N4BP2L1: variants seen among roughly 807,000 people sequenced by gnomAD.
N4BP2L1 encodes the protein NEDD4-binding protein 2-like 1.
Under a neutral mutation model 21.2 loss-of-function variants are expected in N4BP2L1, and 12 were observed. That is an observed-to-expected ratio of 0.57 (90% CI 0.36 to 0.92). The LOEUF is 0.92. Among genes scored for constraint, N4BP2L1 ranks in the 40% least tolerant of loss-of-function variants. The pLI, the probability that N4BP2L1 is intolerant of heterozygous loss-of-function variation, is 0.01. For synonymous variants in N4BP2L1, 104 were observed against 112.8 expected (o/e 0.92, Z 0.49); for missense variants, 259 against 310.6 (o/e 0.83, Z 1.25).
At chr13:32,405,201 A>G (rs1410745587) in intron 3 of N4BP2L1, among the ~76,000 whole-genome samples, 2 of 152,140 alleles carry the variant, frequency 1.3e-5, no homozygotes, top group East Asian at 1.9e-4. Flanking sequence ...AAGATTATAC[A>G]TATCCAGAAG....
At chr13:32,429,594 G>A (rs749213130), upstream of N4BP2L1, among the ~76,000 whole-genome samples, 1 of 152,176 alleles carries the variant, frequency 6.6e-6, no homozygotes, top group East Asian at 1.9e-4. Flanking sequence ...CTGCAAACAC[G>A]CTGTGCCCGG....
upstream of N4BP2L1, chr13:32,428,179 G>T (rs1188672851): frequency 1.3e-5 from 16 of 1,247,192 alleles, no homozygotes; most frequent in Non-Finnish European, 3.1e-6. Context: ...GCCATGTGAT[G>T]GATAGAGGGG....
intron 1 of N4BP2L1, 56 bp from the exon 2 acceptor site, chr13:32,407,828 T>C: frequency 2.0e-6 from 3 of 1,502,954 alleles, no homozygotes; most frequent in Non-Finnish European, 1.8e-6. Context: ...ATAGTCTCAG[T>C]AGAAATAATC....
In N4BP2L1 at chr13:32,419,817, G is replaced by C. The variant is rs575466969; in HGVS notation, c.179+8087C>G. 1.6e-3 allele frequency among the ~76,000 whole-genome samples: 242 copies of C among 152,364 alleles called. 1 individual carries two copies. The highest frequency in any genetic ancestry group is 5.2e-3 in the African/African-American group (216 of 41,592). On this transcript the variant is annotated intron_variant, in intron 1 of 4. Coordinates refer to ENST00000380130, the MANE Select transcript of N4BP2L1 (RefSeq NM_052818.3). ...ACAACCCTTAAAGGAGACTGACGGA[G>C]AGGATTCTTCCTGGATCCCAGCACT...
At chr13:32,422,349 C>CA (rs892468872) in intron 1 of N4BP2L1, among the ~76,000 whole-genome samples, 6 of 139,024 alleles carry the variant, frequency 4.3e-5, no homozygotes, top group Non-Finnish European at 9.2e-5. Flanking sequence ...TTGGGGTACA[C>CA]AAAAAAAGCT....
intron 1 of N4BP2L1, chr13:32,419,439 T>G: frequency 3.9e-6 from 1 of 255,756 alleles, no homozygotes; most frequent in African/African-American, 3.1e-5. Context: ...TTTTTTTTTT[T>G]TTTTTTTTGT....
Position 32,427,378 on chromosome 13 carries a change from C to T in N4BP2L1, c.179+526G>A, listed in dbSNP as rs544828107. On this transcript the variant is annotated intron_variant, in intron 1 of 4. Coordinates refer to ENST00000380130, the MANE Select transcript of N4BP2L1 (RefSeq NM_052818.3). ...CCCACCCCCGGACCCCTCGTTTATG[C>T]GCTCGGATTACAGCGCCTGTTGACG... Among the ~76,000 whole-genome samples, 410 of 152,344 alleles carry T rather than the reference C, an allele frequency of 2.7e-3. 2 individuals are homozygous for T. The highest frequency in any genetic ancestry group is 9.2e-3 in the African/African-American group (383 of 41,584).
At chr13:32,417,984 A>C (rs1261703752) in intron 1 of N4BP2L1, among the ~76,000 whole-genome samples, 5 of 152,246 alleles carry the variant, frequency 3.3e-5, no homozygotes, top group Non-Finnish European at 7.3e-5. Flanking sequence ...GAAAATTTGC[A>C]GCCTGATGAT....
At chr13:32,420,099 CAG>C (rs2074390738) in intron 1 of N4BP2L1, among the ~76,000 whole-genome samples, 1 of 152,218 alleles carries the variant, frequency 6.6e-6, no homozygotes, top group Admixed American at 6.5e-5. Context: ...TAGGGGGACT[CAG>C]GGAACAGTTC....
At chr13:32,411,547 G>T in intron 1 of N4BP2L1, 2 of 985,352 alleles carry the variant, frequency 2.0e-6, no homozygotes, top group Non-Finnish European at 2.4e-6. Flanking sequence ...AGCTTCAGAA[G>T]TGATGAGGGT....
At chr13:32,422,476 C>G (rs1028007962) in intron 1 of N4BP2L1, among the ~76,000 whole-genome samples, 1 of 152,182 alleles carries the variant, frequency 6.6e-6, no homozygotes, top group Non-Finnish European at 1.5e-5. Context: ...TGAACTTTTC[C>G]TTTGAAAGTA....
chr13:32,415,738 G>A (rs1456905674), intron 1 of N4BP2L1, among the ~76,000 whole-genome samples: 1 of 152,072 alleles, frequency 6.6e-6, no homozygotes, highest in Non-Finnish European at 1.5e-5. Flanking sequence ...TATAGAGAAA[G>A]ACAAAAGAAA....
intron 1 of N4BP2L1, among the ~76,000 whole-genome samples, chr13:32,422,766 G>C (rs947514258): frequency 6.6e-6 from 1 of 152,070 alleles, no homozygotes; most frequent in African/African-American, 2.4e-5. Context: ...CCAGAGAGAG[G>C]GTAAGGACAA....
intron 2 of N4BP2L1, 137 bp from the exon 3 acceptor site, chr13:32,407,475 T>C (rs752326029): frequency 6.3e-7 from 1 of 1,577,388 alleles, no homozygotes; most frequent in Admixed American, 1.8e-5. Context: ...TATCAATCAA[T>C]AATTTTCTTT....
chr13:32,407,314 A>T lies in N4BP2L1; in HGVS notation c.332T>A (p.Ile111Lys), dbSNP rs1438354563. The change falls in exon 3 of 5, where the codon ATA (isoleucine) becomes AAA (lysine). Residue 111 changes from isoleucine (I) to lysine (K), a missense_variant. By Grantham distance (102) the Ile-to-Lys change is moderately radical. This residue lies in a region of N4BP2L1 where 91 missense variants were observed against 148.1 expected (regional missense o/e 0.61). Transcript: ENST00000380130. ...GGTATTATCAATAATAATGGGGGAT[A>T]TGCCATTCCTCATTGCTTTTCTTGC... ...KRARKAMRNG[I>K]SPIIIDNTNL... The T allele has an allele frequency of 6.2e-7, 1 of 1,614,202 alleles. No individual in the cohort carries two copies. The highest frequency in any genetic ancestry group is 8.5e-7 in the Non-Finnish European group (1 of 1,180,032).
chr13:32,412,830 G>A (rs142487836), intron 1 of N4BP2L1, among the ~76,000 whole-genome samples: 48 of 152,218 alleles, frequency 3.2e-4, no homozygotes, highest in African/African-American at 1.1e-3. Flanking sequence ...CTCTCACTCC[G>A]CAGGGCCTGT....
chr13:32,401,798 A>T lies in N4BP2L1; in HGVS notation c.*1144T>A. 1 of 398,040 alleles carries T rather than the reference A, an allele frequency of 2.5e-6. No homozygotes were observed. Among genetic ancestry groups the T allele is most frequent in the Non-Finnish European group, 3.4e-6 (1 of 292,612 alleles). 24.7% of individuals were successfully genotyped at this position (398,040 alleles called of 1,614,324 possible). ...ACCATTATATAAGACACTTAAAATA[A>T]TTTTTCACAGAACATTAGAAAGAAG... On this transcript the variant is annotated 3_prime_UTR_variant, in exon 5 of 5. Transcript: ENST00000380130.
upstream of N4BP2L1, chr13:32,428,178 T>C: frequency 7.9e-7 from 1 of 1,260,632 alleles, no homozygotes; most frequent in South Asian, 2.5e-5. Context: ...GGCCATGTGA[T>C]GGATAGAGGG....
At chr13:32,418,904 G>A (rs1384786405) in intron 1 of N4BP2L1, among the ~76,000 whole-genome samples, 1 of 152,176 alleles carries the variant, frequency 6.6e-6, no homozygotes, top group Non-Finnish European at 1.5e-5. Flanking sequence ...TACCCCCATT[G>A]TATCTAGGAA....
Sources: gnomAD v4.1 joint callset for allele counts (sites outside exome capture counted in the v4.1 genomes callset) on GRCh38, gnomAD v4.1.1 for gene constraint, gnomAD v4.1.1 regional missense constraint, MANE v1.5 for transcripts, NCBI Gene and HGNC (gene_info 2026-07-23, HGNC 2026-07-21) for gene names.